Variants in ANO2 observed in about 807,000 individuals in gnomAD.
The protein encoded by ANO2 is anoctamin-2.
Under a neutral mutation model 124.2 loss-of-function variants are expected in ANO2, and 101 were observed. That is an observed-to-expected ratio of 0.81 (90% CI 0.69 to 0.96). The LOEUF is 0.96. Ranked by LOEUF, ANO2 falls within the 40% of genes least tolerant of loss-of-function variation. The probability of loss-of-function intolerance (pLI) is 0.00; values close to 1 mark genes in which losing one functional copy is unlikely to be tolerated. For synonymous variants in ANO2, 486 were observed against 482.5 expected (o/e 1.01, Z -0.09); for missense variants, 1,293 against 1,274.5 (o/e 1.01, Z -0.22).
In ANO2 at chr12:5,653,407, C is replaced by T. The variant is rs191503820; in HGVS notation, c.1546-5606G>A. 1.2e-3 allele frequency among the ~76,000 whole-genome samples: 176 copies of T among 152,286 alleles called. 1 individual carries two copies. The highest frequency in any genetic ancestry group is 6.8e-3 in the Middle Eastern group (2 of 294). On this transcript the variant is annotated intron_variant, in intron 14 of 24. Coordinates refer to ENST00000682330, the MANE Select transcript of ANO2 (RefSeq NM_001364791.2). ...GAAATACAGGATGTGGGCTTCATTC[C>T]GTCTCCACCTCTTTATAAGCTGAGC...
intron 4 of ANO2, among the ~76,000 whole-genome samples, chr12:5,845,019 C>A (rs1350791685): frequency 6.6e-6 from 1 of 151,438 alleles, no homozygotes; most frequent in Non-Finnish European, 1.5e-5. Context: ...CAGCTGTAAT[C>A]CCAGCACTTT....
chr12:5,830,323 T>A, intron 6 of ANO2, 112 bp downstream of exon 6: 1 of 1,128,678 alleles, frequency 8.9e-7, no homozygotes, highest in Non-Finnish European at 1.3e-6. Flanking sequence ...GCTAGGCAAC[T>A]CCAAGCAAAT....
chr12:5,742,322 C>T (rs759421609), intron 12 of ANO2, among the ~76,000 whole-genome samples: 17 of 152,188 alleles, frequency 1.1e-4, no homozygotes, highest in Non-Finnish European at 2.2e-4. Flanking sequence ...CCTAAAGGCT[C>T]TTGGCTGCTG....
At chr12:5,570,476 G>T (rs1293684213) in intron 23 of ANO2, among the ~76,000 whole-genome samples, 1 of 151,468 alleles carries the variant, frequency 6.6e-6, no homozygotes, top group East Asian at 1.9e-4. Flanking sequence ...AAAAAGAAAA[G>T]AATCTTTGAA....
intron 10 of ANO2, among the ~76,000 whole-genome samples, chr12:5,766,850 G>A (rs117860777): frequency 0.01 from 1,533 of 152,318 alleles, 15 homozygotes; most frequent in Middle Eastern, 0.024. Context: ...TGCGAGGTGA[G>A]TTCTCATCTG....
chr12:5,649,892 G>A lies in ANO2; in HGVS notation c.1546-2091C>T, dbSNP rs558672435. Among the ~76,000 whole-genome samples the A allele has an allele frequency of 1.4e-4, 22 of 152,194 alleles. No individual in the cohort carries two copies. The South Asian group carries it at 1.9e-3, about 13-fold the overall frequency. ...ATCTCCTGACCTCGTGATCTGATCC[G>A]CCTGCCTTGGCCTCCCAAAATGATG... On this transcript the variant is annotated intron_variant, in intron 14 of 24. Transcript: ENST00000682330.
chr12:5,921,069 C>G lies in ANO2; in HGVS notation c.505G>C (p.Ala169Pro), dbSNP rs1220918601. 6.2e-7 allele frequency: 1 copy of G among 1,612,228 alleles called. No homozygotes were observed. The highest frequency in any genetic ancestry group is 8.5e-7 in the Non-Finnish European group (1 of 1,178,550). Residue 169 changes from alanine (A) to proline (P), a missense_variant, in exon 3 of 25, where the codon GCT becomes CCT. Ala to Pro is a conservative substitution (Grantham distance 27). Transcript: ENST00000682330. ...AAGTCCTTCTCAAGCTCCAGTCCAG[C>G]CTCCATCAGATTGTGCTCAAATTCC... The part of the protein sequence containing the change: ...REEFEHNLME[A>P]GLELEKDLEN...
At chr12:5,851,506 G>GT (rs1024140501) in intron 4 of ANO2, among the ~76,000 whole-genome samples, 1 of 152,078 alleles carries the variant, frequency 6.6e-6, no homozygotes, top group Non-Finnish European at 1.5e-5. Context: ...CCAACATGGA[G>GT]AAACCCTGTC....
At chr12:5,792,385 T>C (rs1952723583) in intron 10 of ANO2, among the ~76,000 whole-genome samples, 1 of 152,246 alleles carries the variant, frequency 6.6e-6, no homozygotes, top group Non-Finnish European at 1.5e-5. Context: ...AAGACGCCTC[T>C]CCAAATCCTT....
At chr12:5,714,453 C>T (rs1350928598) in intron 14 of ANO2, among the ~76,000 whole-genome samples, 4 of 152,190 alleles carry the variant, frequency 2.6e-5, no homozygotes, top group Non-Finnish European at 5.9e-5. Flanking sequence ...AGCTGGGTGC[C>T]ACTGCCACCT....
chr12:5,693,532 AAGCAACCAGAGTG>A (rs1949032767), intron 14 of ANO2, among the ~76,000 whole-genome samples: 1 of 152,080 alleles, frequency 6.6e-6, no homozygotes, highest in Admixed American at 6.6e-5. Context: ...AGTCTCCACT[AAGCAACCAGAGTG>A]AGCATTCAGA....
intron 10 of ANO2, among the ~76,000 whole-genome samples, chr12:5,764,406 G>C (rs978662420): frequency 1.3e-5 from 2 of 152,148 alleles, no homozygotes; most frequent in Non-Finnish European, 2.9e-5. Context: ...GCCCTACAAG[G>C]TAGTATGCTA....
intron 10 of ANO2, among the ~76,000 whole-genome samples, chr12:5,766,578 T>C (rs1951896640): frequency 1.3e-5 from 2 of 152,240 alleles, no homozygotes; most frequent in South Asian, 4.1e-4. Flanking sequence ...TGGAGTTTCC[T>C]GGGGTGCTGA....
chr12:5,779,337 TC>T (rs1191144475), intron 10 of ANO2, among the ~76,000 whole-genome samples: 5 of 152,188 alleles, frequency 3.3e-5, no homozygotes, highest in Non-Finnish European at 7.3e-5. Context: ...TAAACATAAA[TC>T]AATCTCCCTT....
At chr12:5,711,053 G>C (rs912371714) in intron 14 of ANO2, among the ~76,000 whole-genome samples, 5 of 151,906 alleles carry the variant, frequency 3.3e-5, no homozygotes, top group Non-Finnish European at 5.9e-5. Context: ...AGCTACTCAG[G>C]AGGCTGAGGC....
At chr12:5,705,921 GA>G (rs1949590569) in intron 14 of ANO2, among the ~76,000 whole-genome samples, 1 of 152,160 alleles carries the variant, frequency 6.6e-6, no homozygotes, top group African/African-American at 2.4e-5. Flanking sequence ...CTGCCAGGTC[GA>G]CAAGGTTCAC....
intron 13 of ANO2, among the ~76,000 whole-genome samples, chr12:5,734,901 C>T (rs1371402691): frequency 1.3e-5 from 2 of 152,286 alleles, no homozygotes; most frequent in African/African-American, 2.4e-5. Context: ...CCACCCGCCT[C>T]GGCCTCCCAA....
At chr12:5,887,828 G>T (rs956375105) in intron 3 of ANO2, among the ~76,000 whole-genome samples, 2 of 148,054 alleles carry the variant, frequency 1.4e-5, no homozygotes, top group African/African-American at 5.0e-5. Flanking sequence ...ATGCCCCCCG[G>T]TTTTTTTTTT....
At chr12:5,573,000 C>A (rs10492185) in intron 23 of ANO2, among the ~76,000 whole-genome samples, 1 of 152,012 alleles carries the variant, frequency 6.6e-6, no homozygotes, top group Non-Finnish European at 1.5e-5. Flanking sequence ...CTGATCCACA[C>A]ATATTCACAA....
Sources: allele counts gnomAD v4.1 joint callset (sites outside exome capture counted in the v4.1 genomes callset), GRCh38; gene constraint gnomAD v4.1.1; transcripts MANE v1.5; gene names NCBI Gene and HGNC (gene_info 2026-07-23, HGNC 2026-07-21).